Variants in GGA1 observed in about 807,000 individuals in gnomAD.
GGA1 encodes the protein golgi associated, gamma adaptin ear containing, ARF binding protein 1, also known as ADP-ribosylation factor-binding protein GGA1.
In GGA1, 18 loss-of-function variants were observed where a neutral mutation model predicts 76.9. The ratio of observed to expected loss-of-function variants is 0.23; its 90% CI spans 0.16 to 0.35. GGA1 has a LOEUF of 0.35. Ranked by LOEUF, GGA1 falls within the 10% of genes least tolerant of loss-of-function variation. The pLI is 1.00. For missense variants in GGA1, 755 were observed against 859.0 expected, an observed-to-expected ratio of 0.88 and a Z score of 1.51; for synonymous variants, 342 against 354.7, an observed-to-expected ratio of 0.96 and a Z score of 0.40.
Position 37,629,504 on chromosome 22 carries a change from G to C in GGA1, c.1136G>C (p.Gly379Ala), listed in dbSNP as rs527795762. The C allele has an allele frequency of 7.6e-6, 12 of 1,584,020 alleles. No homozygotes were observed. Among genetic ancestry groups the C allele is most frequent in the Non-Finnish European group, 9.4e-6 (11 of 1,168,080 alleles). The stretch of plus-strand genomic sequence containing the variant: ...CCCCCTTCAGGCCCAAGCCTGGATG[G>C]TACCGGATGGAACAGCTTCCAGGTA... Reference protein sequence around the residue: ...PTPPSGPSLDGTGWNSFQSSD... With the variant: ...PTPPSGPSLDATGWNSFQSSD... The change falls in exon 12 of 17, where the codon GGT (glycine) becomes GCT (alanine). Residue 379 changes from glycine to alanine, a missense_variant. By Grantham distance (60) the Gly-to-Ala change is moderately conservative (BLOSUM62 0). Coordinates refer to ENST00000343632, the MANE Select transcript of GGA1 (RefSeq NM_013365.5).
intron 1 of GGA1, chr22:37,612,854 G>A: frequency 1.1e-6 from 1 of 897,390 alleles, no homozygotes; most frequent in Non-Finnish European, 1.3e-6. Flanking sequence ...AAGCTAGATT[G>A]TTGTTTAACC....
In GGA1 at chr22:37,632,246, G is replaced by T; in HGVS notation, c.1698+81G>T. 1 of 1,427,974 alleles carries T rather than the reference G, an allele frequency of 7.0e-7. No individual in the cohort carries two copies. Among genetic ancestry groups the T allele is most frequent in the Non-Finnish European group, 9.7e-7 (1 of 1,026,608 alleles). The allele number at this position is 1,427,974 out of a possible 1,614,324, so 88.5% of individuals were successfully genotyped here. A position where few individuals can be genotyped will look rare whatever the true frequency, so the allele number is the denominator to read the frequency against. ...GAGCTGGGTGGGGAGCCACCTGTCA[G>T]GGGGCAGGTCTCCCTCCCTTGCTGG... On this transcript the variant is annotated intron_variant, in intron 15 of 16. Transcript: ENST00000343632. This position sits in a 1 kb window ranked among gnomAD's most constrained non-coding sequence, Gnocchi z 5.1.
Position 37,623,806 on chromosome 22 carries a change from GC to G in GGA1, c.832+179del. On this transcript the variant is annotated intron_variant, in intron 9 of 16. Coordinates refer to ENST00000343632, the MANE Select transcript of GGA1 (RefSeq NM_013365.5). The surrounding 1 kb of genome is among the most constrained non-coding windows in gnomAD (Gnocchi z 4.6). ...TCTCTGAGGACACAGAGCAGGGGCC[GC>G]CCCCCTGTTGAGAGGCCCTGTGGGC... The G allele has an allele frequency of 1.7e-6, 1 of 591,664 alleles. No homozygotes were observed. The highest frequency in any genetic ancestry group is 3.1e-6 in the Non-Finnish European group (1 of 327,794). 36.7% of individuals were successfully genotyped at this position (591,664 alleles called of 1,614,324 possible). A position where few individuals can be genotyped will look rare whatever the true frequency, so the allele number is the denominator to read the frequency against.
In GGA1 at chr22:37,632,862, A is replaced by C. The variant is rs1601569773; in HGVS notation, c.*151A>C. On this transcript the variant is annotated 3_prime_UTR_variant, in exon 17 of 17. Coordinates refer to ENST00000343632, the MANE Select transcript of GGA1 (RefSeq NM_013365.5). This position sits in a 1 kb window ranked among gnomAD's most constrained non-coding sequence, Gnocchi z 5.1. ...CCCACACCCCTGTAGGCCTCAAGTG[A>C]CTCTTCCCCCTCCTGCTCCGGCCCC... The C allele has an allele frequency of 1.7e-6, 1 of 601,432 alleles. No homozygotes were observed. Among genetic ancestry groups the C allele is most frequent in the Non-Finnish European group, 3.0e-6 (1 of 331,912 alleles). 37.3% of individuals were successfully genotyped at this position (601,432 alleles called of 1,614,324 possible).
Position 37,630,150 on chromosome 22 carries a change from G to A in GGA1, c.1311G>A (p.Pro437=), listed in dbSNP as rs201945186. 25 of 1,591,224 alleles carry A rather than the reference G, an allele frequency of 1.6e-5. No individual in the cohort carries two copies. Among genetic ancestry groups the A allele is most frequent in the East Asian group, 7.0e-5 (3 of 43,088 alleles). ...CCCTCCTGCAGCAGTCGCTGCCCCCGGAATCCCAGCAAGTGCGGTGGTGAG... is the reference window on the plus strand; with the variant it reads ...CCCTCCTGCAGCAGTCGCTGCCCCCAGAATCCCAGCAAGTGCGGTGGTGAG... ...GKTLLQQSLP[P]ESQQVRWEKQ... Residue 437 remains proline (P), a synonymous_variant, in exon 13 of 17, where the codon CCG becomes CCA. Transcript: ENST00000343632.
intron 1 of GGA1, among the ~76,000 whole-genome samples, chr22:37,609,630 A>T (rs1216951965): frequency 1.3e-5 from 2 of 151,792 alleles, no homozygotes; most frequent in African/African-American, 4.8e-5. Flanking sequence ...TTCTCCTCAG[A>T]CGTAGCTTCC....
chr22:37,611,218 T>C (rs1927506879), intron 1 of GGA1, among the ~76,000 whole-genome samples: 1 of 152,086 alleles, frequency 6.6e-6, no homozygotes, highest in Admixed American at 6.5e-5. Flanking sequence ...AGGGGCTTCA[T>C]TTTTCTGAGG....
intron 2 of GGA1, among the ~76,000 whole-genome samples, chr22:37,615,696 T>G (rs1454555023): frequency 2.7e-5 from 4 of 149,384 alleles, no homozygotes; most frequent in Non-Finnish European, 5.9e-5. Context: ...CCCGGGAGGC[T>G]GAGGTTGCAG....
chr22:37,609,628 A>G (rs1927119977), intron 1 of GGA1, among the ~76,000 whole-genome samples: 1 of 151,880 alleles, frequency 6.6e-6, no homozygotes, highest in African/African-American at 2.4e-5. Context: ...GTTTCTCCTC[A>G]GACGTAGCTT....
intron 2 of GGA1, among the ~76,000 whole-genome samples, chr22:37,616,351 C>T (rs1248360171): frequency 6.6e-6 from 1 of 152,196 alleles, no homozygotes; most frequent in Non-Finnish European, 1.5e-5. Flanking sequence ...ACCGTGCTGC[C>T]TGCCTTATGC....
chr22:37,617,781 C>G (rs755387861), intron 3 of GGA1: 1 of 946,894 alleles, frequency 1.1e-6, no homozygotes. Context: ...ATAGATGTAG[C>G]TTAGGATAAG....
chr22:37,618,436 C>T lies in GGA1; in HGVS notation c.205-12C>T, dbSNP rs11912798. ...ACCTGGGCGTCCCCTCCCATCCCCC[C>T]TCCCTGCACAGGTGCTGGAAACATG... On this transcript the variant is annotated splice_polypyrimidine_tract_variant and intron_variant, in intron 3 of 16. Coordinates refer to ENST00000343632, the MANE Select transcript of GGA1 (RefSeq NM_013365.5). 2 of 1,560,534 alleles carry T rather than the reference C, an allele frequency of 1.3e-6. No individual in the cohort carries two copies. The highest frequency in any genetic ancestry group is 1.8e-6 in the Non-Finnish European group (2 of 1,131,520).
chr22:37,631,869 C>T, intron 14 of GGA1, 127 bp from the exon 15 acceptor site: 1 of 744,174 alleles, frequency 1.3e-6, no homozygotes, highest in Non-Finnish European at 2.2e-6. Context: ...GGTAAGGCCC[C>T]AAAGGAGGAC....
intron 13 of GGA1, 56 bp downstream of exon 13, chr22:37,630,226 C>T: frequency 7.6e-7 from 1 of 1,310,792 alleles, no homozygotes. Flanking sequence ...TCCCACAAAC[C>T]AGCAACTTCT....
chr22:37,628,711 C>T (rs1315773086), intron 11 of GGA1, among the ~76,000 whole-genome samples: 1 of 152,190 alleles, frequency 6.6e-6, no homozygotes, highest in Non-Finnish European at 1.5e-5. Context: ...GTACCCTTGC[C>T]TTTGCCTGTC....
In GGA1 at chr22:37,614,261, G is replaced by A. The variant is rs1454217253; in HGVS notation, c.115G>A (p.Glu39Lys). The A allele has an allele frequency of 1.9e-6, 3 of 1,612,164 alleles. No homozygotes were observed. Among genetic ancestry groups the A allele is most frequent in the Admixed American group, 1.7e-5 (1 of 60,002 alleles). The change falls in exon 2 of 17, where the codon GAG (glutamate) becomes AAG (lysine). Residue 39 changes from glutamate (E) to lysine (K), a missense_variant. By Grantham distance (56) the Glu-to-Lys change is moderately conservative. Transcript: ENST00000343632. The part of the protein sequence containing the change: ...SINGFCEQLN[E>K]DFEGPPLATR... ...CAACGGCTTCTGCGAGCAGCTCAAC[G>A]AGGACTTTGAGGGGTAGGTGGCCGT...
At chr22:37,621,515 C>T (rs778638954) in intron 6 of GGA1, 101 bp from the exon 7 acceptor site, 30 of 713,918 alleles carry the variant, frequency 4.2e-5, no homozygotes, top group Non-Finnish European at 6.9e-5. Flanking sequence ...GTAACTTACT[C>T]AGGTCCCACA....
Position 37,625,839 on chromosome 22 carries a change from C to G in GGA1, c.983C>G (p.Pro328Arg), listed in dbSNP as rs112813775. 1 of 1,610,954 alleles carries G rather than the reference C, an allele frequency of 6.2e-7. No homozygotes were observed. Among genetic ancestry groups the G allele is most frequent in the Non-Finnish European group, 8.5e-7 (1 of 1,178,112 alleles). ...ALLDLSGLDL[P>R]PAGTTYPAMP... is the part of the protein sequence containing the mutation. Reference sequence around the variant, plus strand: ...CTGGATCTCTCAGGCCTGGATCTCCCGCCTGCGGGCACCACCTACCCAGCT... The same window carrying G: ...CTGGATCTCTCAGGCCTGGATCTCCGGCCTGCGGGCACCACCTACCCAGCT... Residue 328 changes from proline to arginine, a missense_variant, in exon 11 of 17, where the codon CCG becomes CGG. Pro to Arg is a moderately radical substitution (Grantham distance 103). Coordinates refer to ENST00000343632, the MANE Select transcript of GGA1 (RefSeq NM_013365.5). This position sits in a 1 kb window ranked among gnomAD's most constrained non-coding sequence, Gnocchi z 4.1.
Position 37,632,671 on chromosome 22 carries a change from T to A in GGA1, c.1880T>A (p.Val627Glu). The A allele has an allele frequency of 1.9e-6, 3 of 1,612,718 alleles. No individual in the cohort carries two copies. In the East Asian group the frequency reaches 6.7e-5, roughly 36 times the overall value. The change falls in exon 17 of 17, where the codon GTG becomes GAG. Residue 627 changes from valine to glutamate, a missense_variant. Val to Glu is a moderately radical substitution (Grantham distance 121). Coordinates refer to ENST00000343632, the MANE Select transcript of GGA1 (RefSeq NM_013365.5). This position sits in a 1 kb window ranked among gnomAD's most constrained non-coding sequence, Gnocchi z 5.1. ...GDQTYNEMGD[V>E]DQFPPPETWG... ...CAGACCTACAACGAGATGGGGGATG[T>A]GGACCAGTTCCCCCCACCTGAAACC...
Sources: gnomAD v4.1 joint callset for allele counts (sites outside exome capture counted in the v4.1 genomes callset) on GRCh38, gnomAD v4.1.1 for gene constraint, Gnocchi (gnomAD v3.1) non-coding constraint, MANE v1.5 for transcripts, NCBI Gene and HGNC (gene_info 2026-07-23, HGNC 2026-07-21) for gene names.